Variants in RNF150 observed in about 807,000 individuals in gnomAD.
The protein encoded by RNF150 is ring finger protein 150.
RNF150 carries 24 observed loss-of-function variants against 39.3 expected under a neutral mutation model. The ratio of observed to expected loss-of-function variants is 0.61; its 90% CI spans 0.44 to 0.86. RNF150 has a LOEUF of 0.86. Among genes scored for constraint, RNF150 ranks in the 40% least tolerant of loss-of-function variants. The pLI is 0.00. For missense variants in RNF150, 502 were observed against 587.8 expected (o/e 0.85, Z 1.51); for synonymous variants, 255 against 227.3 (o/e 1.12, Z -1.10).
chr4:141,015,564 G>A (rs1048829596), intron 1 of RNF150, among the ~76,000 whole-genome samples: 2 of 152,028 alleles, frequency 1.3e-5, no homozygotes, highest in African/African-American at 2.4e-5. Context: ...TTTGCTGTTA[G>A]TCTATAGAAA....
Position 141,164,588 on chromosome 4 carries a change from A to G in RNF150, c.-6+48206T>C, listed in dbSNP as rs986118141. Among the ~76,000 whole-genome samples, 11 of 152,366 alleles carry G rather than the reference A, an allele frequency of 7.2e-5. No individual in the cohort carries two copies. In the East Asian group the frequency reaches 1.3e-3, roughly 19 times the overall value. Reference sequence around the variant, plus strand: ...GGTTACCCACAAAAGGAAGCCCATCAGACTAGCAGCAGATCTCTGAGCCAG... The same window carrying G: ...GGTTACCCACAAAAGGAAGCCCATCGGACTAGCAGCAGATCTCTGAGCCAG... On this transcript the variant is annotated intron_variant, in intron 1 of 7. Transcript: ENST00000420921.
intron 1 of RNF150, among the ~76,000 whole-genome samples, chr4:141,068,153 C>A (rs561751034): frequency 1.3e-5 from 2 of 152,274 alleles, no homozygotes; most frequent in East Asian, 3.9e-4. Context: ...CCATGTGGGA[C>A]AGGCTGCTCT....
intron 1 of RNF150, among the ~76,000 whole-genome samples, chr4:141,145,671 G>A (rs955854573): frequency 1.3e-5 from 2 of 152,118 alleles, no homozygotes; most frequent in African/African-American, 2.4e-5. Flanking sequence ...TTGAAATGAG[G>A]TGCCATGAAA....
chr4:141,161,298 T>C (rs1253095895), intron 1 of RNF150, among the ~76,000 whole-genome samples: 2 of 152,138 alleles, frequency 1.3e-5, no homozygotes, highest in East Asian at 3.9e-4. Flanking sequence ...AGAGTGATGA[T>C]TTAGGGTATA....
intron 1 of RNF150, among the ~76,000 whole-genome samples, chr4:141,187,857 A>C (rs1728039980): frequency 6.6e-6 from 1 of 152,164 alleles, no homozygotes; most frequent in African/African-American, 2.4e-5. Flanking sequence ...ATTTAAATTT[A>C]ATATTGTTAT....
At chr4:140,972,682 C>T (rs1165515396) in intron 1 of RNF150, among the ~76,000 whole-genome samples, 3 of 152,092 alleles carry the variant, frequency 2.0e-5, no homozygotes, top group African/African-American at 4.8e-5. Flanking sequence ...TACAAAAGAA[C>T]TGAGTGTGTG....
intron 5 of RNF150, among the ~76,000 whole-genome samples, chr4:140,921,012 G>A (rs982348939): frequency 1.3e-5 from 2 of 151,566 alleles, no homozygotes; most frequent in East Asian, 2.0e-4. Flanking sequence ...ACAGGAAGGG[G>A]AACATCACAC....
intron 1 of RNF150, among the ~76,000 whole-genome samples, chr4:141,164,076 A>T (rs1727559693): frequency 6.6e-6 from 1 of 152,020 alleles, no homozygotes; most frequent in Admixed American, 6.6e-5. Context: ...ACAGGAACTG[A>T]TAACTAGAAT....
upstream of RNF150, among the ~76,000 whole-genome samples, chr4:141,133,712 G>C (rs1358804357): frequency 6.6e-6 from 1 of 152,092 alleles, no homozygotes; most frequent in East Asian, 1.9e-4. Flanking sequence ...TTTAGCAAAT[G>C]TATGTGCCTC....
intron 1 of RNF150, among the ~76,000 whole-genome samples, chr4:141,036,417 G>A (rs551532938): frequency 2.6e-4 from 39 of 152,172 alleles, no homozygotes; most frequent in Admixed American, 1.8e-3. Context: ...TTGACCATCC[G>A]AACCATTTTT....
At chr4:141,022,366 C>T (rs922742436) in intron 1 of RNF150, among the ~76,000 whole-genome samples, 1 of 152,166 alleles carries the variant, frequency 6.6e-6, no homozygotes, top group East Asian at 1.9e-4. Context: ...TGTTGAGAGG[C>T]CGTTGAGGAA....
intron 1 of RNF150, among the ~76,000 whole-genome samples, chr4:140,988,956 G>A (rs28531760): frequency 0.16 from 24,319 of 151,996 alleles, 2,474 homozygotes; most frequent in South Asian, 0.36. Flanking sequence ...TGAACAATGA[G>A]AACACTTGGA....
intron 1 of RNF150, among the ~76,000 whole-genome samples, chr4:141,119,278 T>C (rs1578748001): frequency 6.6e-6 from 1 of 152,264 alleles, no homozygotes; most frequent in East Asian, 1.9e-4. Flanking sequence ...AACCTGTTTC[T>C]GGCCCACTGA....
intron 1 of RNF150, among the ~76,000 whole-genome samples, chr4:141,009,783 C>T (rs6849190): frequency 0.88 from 134,122 of 152,226 alleles, 59,532 homozygotes; most frequent in East Asian, 1. Flanking sequence ...TGTTAATCTT[C>T]CTTTTTCATC....
intron 1 of RNF150, among the ~76,000 whole-genome samples, chr4:141,140,447 G>A (rs1241320877): frequency 6.6e-6 from 1 of 152,144 alleles, no homozygotes; most frequent in African/African-American, 2.4e-5. Context: ...AAACTCATTT[G>A]AGACTTGAGC....
rs1728465859 is a variant in RNF150, at chr4:140,860,928, T to G, written c.*7333A>C. 1 of 152,116 alleles carries G rather than the reference T, an allele frequency of 6.6e-6. No homozygotes were observed. Among genetic ancestry groups the G allele is most frequent in the South Asian group, 2.1e-4 (1 of 4,820 alleles). The allele number at this position is 152,116 out of a possible 1,614,324, so 9.4% of individuals were successfully genotyped here. On this transcript the variant is annotated 3_prime_UTR_variant, in exon 7 of 7. Coordinates refer to ENST00000515673, the MANE Select transcript of RNF150 (RefSeq NM_020724.2). ...TAATCATCCTCCCAGCTCATGAACA[T>G]TTTAAAGAACAATACCCATTTTTTT...
chr4:140,912,959 T>TAGAAAAAAAAA (rs1560962313), intron 5 of RNF150, among the ~76,000 whole-genome samples: 1 of 138,140 alleles, frequency 7.2e-6, no homozygotes, highest in Admixed American at 7.0e-5. Flanking sequence ...CATCAGAACA[T>TAGAAAAAAAAA]AAAAAAAAAA....
At chr4:140,886,207 A>G (rs908594432) in intron 6 of RNF150, among the ~76,000 whole-genome samples, 10 of 151,792 alleles carry the variant, frequency 6.6e-5, no homozygotes, top group Non-Finnish European at 1.2e-4. Flanking sequence ...AAAAAAAAAA[A>G]AAAAGAAAAG....
chr4:140,992,677 A>G (rs1362022191), intron 1 of RNF150, among the ~76,000 whole-genome samples: 1 of 152,130 alleles, frequency 6.6e-6, no homozygotes, highest in African/African-American at 2.4e-5. Flanking sequence ...CCTGATGGGT[A>G]AGGGGCACTT....
Sources: gnomAD v4.1 joint callset for allele counts (sites outside exome capture counted in the v4.1 genomes callset) on GRCh38, gnomAD v4.1.1 for gene constraint, MANE v1.5 for transcripts, NCBI Gene and HGNC (gene_info 2026-07-23, HGNC 2026-07-21) for gene names.